The following ZBTB8A variants were observed in gnomAD, a reference collection of about 807,000 sequenced individuals.
ZBTB8A encodes zinc finger and BTB domain containing 8A, also known as zinc finger and BTB domain-containing protein 8A.
In ZBTB8A, 19 loss-of-function variants were observed where a neutral mutation model predicts 37.8. That is an observed-to-expected ratio of 0.50 (90% CI 0.35 to 0.74). The LOEUF is 0.74. ZBTB8A is among the 30% of genes least tolerant of loss of function. The pLI is 0.01. For synonymous variants in ZBTB8A, 181 were observed against 185.2 expected (o/e 0.98, Z 0.19); for missense variants, 394 against 537.8 (o/e 0.73, Z 2.65).
chr1:32,550,846 A>G (rs910928517), intron 1 of ZBTB8A, among the ~76,000 whole-genome samples: 3 of 149,802 alleles, frequency 2.0e-5, no homozygotes, highest in African/African-American at 4.9e-5. Context: ...AGTCCCAGCT[A>G]CTTGGGAGGC....
At chr1:32,580,871 C>A (rs1644397977) in intron 2 of ZBTB8A, among the ~76,000 whole-genome samples, 1 of 151,534 alleles carries the variant, frequency 6.6e-6, no homozygotes, top group South Asian at 2.1e-4. Flanking sequence ...ACAGGAGCAA[C>A]ACAGAGAGAC....
At chr1:32,590,613 A>G (rs976118482) in intron 2 of ZBTB8A, among the ~76,000 whole-genome samples, 1 of 152,132 alleles carries the variant, frequency 6.6e-6, no homozygotes, top group Non-Finnish European at 1.5e-5. Flanking sequence ...CACACATTTA[A>G]AAAACTTCAG....
chr1:32,591,177 A>G (rs1217140609), intron 2 of ZBTB8A, among the ~76,000 whole-genome samples: 3 of 150,108 alleles, frequency 2.0e-5, no homozygotes, highest in Non-Finnish European at 4.4e-5. Flanking sequence ...CCAAAGTGCT[A>G]GGATTACAGG....
At position 32,543,040 on chromosome 1, in the gene ZBTB8A, G is replaced by A. The variant is rs1011139822; in HGVS notation, c.-84+3468G>A. Among the ~76,000 whole-genome samples the A allele has an allele frequency of 2.6e-5, 4 of 152,024 alleles. No homozygotes were observed. The East Asian group carries it at 5.8e-4, about 22-fold the overall frequency. On this transcript the variant is annotated intron_variant, in intron 1 of 4. Coordinates refer to ENST00000373510, the MANE Select transcript of ZBTB8A (RefSeq NM_001040441.3). ...AAAATCCTTTCAATGTGAATATCAGGTTGTAACTGACCCCAGTGTATAGGA... is the reference window on the plus strand; with the variant it reads ...AAAATCCTTTCAATGTGAATATCAGATTGTAACTGACCCCAGTGTATAGGA...
At chr1:32,586,306 C>T (rs777562662) in intron 2 of ZBTB8A, among the ~76,000 whole-genome samples, 58 of 152,000 alleles carry the variant, frequency 3.8e-4, no homozygotes, top group African/African-American at 1.3e-3. Flanking sequence ...GCAGCAAGAG[C>T]GAGACTCCGT....
intron 2 of ZBTB8A, among the ~76,000 whole-genome samples, chr1:32,556,943 T>C (rs1245982634): frequency 1.3e-5 from 2 of 152,142 alleles, no homozygotes; most frequent in Non-Finnish European, 2.9e-5. Flanking sequence ...AACTTAACTT[T>C]CTTAATTTTC....
At chr1:32,550,837 G>C (rs1290489768) in intron 1 of ZBTB8A, among the ~76,000 whole-genome samples, 2 of 151,022 alleles carry the variant, frequency 1.3e-5, no homozygotes, top group Non-Finnish European at 1.5e-5. Flanking sequence ...GGCTCCTGCA[G>C]TCCCAGCTAC....
intron 2 of ZBTB8A, among the ~76,000 whole-genome samples, chr1:32,561,970 GAC>G (rs1644246708): frequency 6.6e-6 from 1 of 151,920 alleles, no homozygotes; most frequent in African/African-American, 2.4e-5. Context: ...TTTTATTTGA[GAC>G]ACAGTCTCAG....
intron 1 of ZBTB8A, among the ~76,000 whole-genome samples, chr1:32,542,383 G>A (rs868833012): frequency 6.6e-6 from 1 of 151,640 alleles, no homozygotes; most frequent in Admixed American, 6.6e-5. Context: ...AGACCAGCCT[G>A]GACAAGAAGG....
At chr1:32,585,131 A>T (rs1644438067) in intron 2 of ZBTB8A, among the ~76,000 whole-genome samples, 1 of 150,720 alleles carries the variant, frequency 6.6e-6, no homozygotes, top group Admixed American at 6.6e-5. Flanking sequence ...CCTGGGCTCA[A>T]GCAATCCTCC....
intron 1 of ZBTB8A, among the ~76,000 whole-genome samples, chr1:32,548,040 G>A (rs1644120513): frequency 6.9e-6 from 1 of 145,284 alleles, no homozygotes; most frequent in South Asian, 2.3e-4. Context: ...GGCTGAGACA[G>A]TAGAATCACT....
chr1:32,604,078 T>C lies in ZBTB8A; in HGVS notation c.*3659T>C, dbSNP rs938903436. 4 of 152,118 alleles carry C rather than the reference T, an allele frequency of 2.6e-5. No individual in the cohort carries two copies. The highest frequency in any genetic ancestry group is 5.9e-5 in the Non-Finnish European group (4 of 68,028). 9.4% of individuals were successfully genotyped at this position (152,118 alleles called of 1,614,324 possible). Reference sequence around the variant, plus strand: ...TATGCCAAGGATTTTTTTTTTAATATCAAGACTTGGTTAGACCAAAGTTTG... The same window carrying C: ...TATGCCAAGGATTTTTTTTTTAATACCAAGACTTGGTTAGACCAAAGTTTG... On this transcript the variant is annotated 3_prime_UTR_variant, in exon 5 of 5. Coordinates refer to ENST00000373510, the MANE Select transcript of ZBTB8A (RefSeq NM_001040441.3).
intron 1 of ZBTB8A, among the ~76,000 whole-genome samples, chr1:32,543,655 T>A (rs1369168903): frequency 6.6e-6 from 1 of 152,156 alleles, no homozygotes; most frequent in Non-Finnish European, 1.5e-5. Flanking sequence ...GTATTTTTTA[T>A]GACTAGTTTC....
At chr1:32,547,210 A>C (rs1032769534) in intron 1 of ZBTB8A, among the ~76,000 whole-genome samples, 8 of 152,124 alleles carry the variant, frequency 5.3e-5, no homozygotes, top group African/African-American at 1.9e-4. Context: ...GGCTGGGGGA[A>C]GTTTTATTCC....
At chr1:32,547,626 CAAAAAAA>C (rs745418265) in intron 1 of ZBTB8A, among the ~76,000 whole-genome samples, 1 of 98,968 alleles carries the variant, frequency 1.0e-5, no homozygotes, top group Non-Finnish European at 2.0e-5. Flanking sequence ...GTCTGTATCT[CAAAAAAA>C]AAAAAAAAAA....
intron 2 of ZBTB8A, among the ~76,000 whole-genome samples, chr1:32,563,303 G>T (rs979360840): frequency 1.3e-5 from 2 of 152,094 alleles, no homozygotes; most frequent in African/African-American, 4.8e-5. Context: ...AGGCCAAGGC[G>T]GGAGGATCCC....
At position 32,575,587 on chromosome 1, in the gene ZBTB8A, G is replaced by T. The variant is rs147759156; in HGVS notation, c.-1-17344G>T. Among the ~76,000 whole-genome samples, 1,403 of 151,718 alleles carry T rather than the reference G, an allele frequency of 9.2e-3. 22 individuals carry two copies. Among genetic ancestry groups the T allele is most frequent in the African/African-American group, 0.031 (1,303 of 41,368 alleles). Reference sequence around the variant, plus strand: ...GTTAAAGAATATTGAGGTGGCTCACGCCTATAATCCCAATACTTTGAGGGT... The same window carrying T: ...GTTAAAGAATATTGAGGTGGCTCACTCCTATAATCCCAATACTTTGAGGGT... On this transcript the variant is annotated intron_variant, in intron 2 of 4. Coordinates refer to ENST00000373510, the MANE Select transcript of ZBTB8A (RefSeq NM_001040441.3).
At chr1:32,540,892 G>T (rs1644047560) in intron 1 of ZBTB8A, among the ~76,000 whole-genome samples, 1 of 152,186 alleles carries the variant, frequency 6.6e-6, no homozygotes, top group African/African-American at 2.4e-5. Context: ...TGTCTGGGTG[G>T]ATTGTGCTCT....
At position 32,595,065 on chromosome 1, in the gene ZBTB8A, C is replaced by T. The variant is rs1350765645; in HGVS notation, c.835C>T (p.Arg279Trp). ...GCGTCTCTTGACAGATGATCTGCCTCGGATGCGATTCAAGTGCCCGTACTG... is the reference window on the plus strand; with the variant it reads ...GCGTCTCTTGACAGATGATCTGCCTTGGATGCGATTCAAGTGCCCGTACTG... Reference protein sequence around the residue: ...TSKSFPDDLPRMRFKCPYCTH... With the variant: ...TSKSFPDDLPWMRFKCPYCTH... The change falls in exon 4 of 5, where the codon CGG (arginine) becomes TGG (tryptophan). Residue 279 changes from arginine (R) to tryptophan (W), a missense_variant. By Grantham distance (101) the Arg-to-Trp change is moderately radical (BLOSUM62 -3). This residue lies in a region of ZBTB8A where 171 missense variants were observed against 186.8 expected (regional missense o/e 0.92). Coordinates refer to ENST00000373510, the MANE Select transcript of ZBTB8A (RefSeq NM_001040441.3). The T allele has an allele frequency of 4.3e-6, 7 of 1,613,610 alleles. No homozygotes were observed. Among genetic ancestry groups the T allele is most frequent in the South Asian group, 2.2e-5 (2 of 91,008 alleles).
Sources: allele counts gnomAD v4.1 joint callset (sites outside exome capture counted in the v4.1 genomes callset), GRCh38; gene constraint gnomAD v4.1.1; regional missense constraint gnomAD v4.1.1; transcripts MANE v1.5; gene names NCBI Gene and HGNC (gene_info 2026-07-23, HGNC 2026-07-21).